The following GPR158 variants were observed in gnomAD, a reference collection of about 807,000 sequenced individuals.
GPR158 encodes metabotropic glycine receptor.
Under a neutral mutation model 78.2 loss-of-function variants are expected in GPR158, and 30 were observed. The observed-to-expected ratio is 0.38, with a 90% CI of 0.29 to 0.52. GPR158 has a LOEUF of 0.52. GPR158 is among the 20% of genes least tolerant of loss of function. The pLI, the probability that GPR158 is intolerant of heterozygous loss-of-function variation, is 0.83. For synonymous variants in GPR158, 581 were observed against 591.1 expected, an observed-to-expected ratio of 0.98 and a Z score of 0.25; for missense variants, 1,463 against 1,523.5, an observed-to-expected ratio of 0.96 and a Z score of 0.66.
In GPR158 at chr10:25,599,330, G is replaced by A; in HGVS notation, c.*56G>A. On this transcript the variant is annotated 3_prime_UTR_variant, in exon 11 of 11. Coordinates refer to ENST00000376351, the MANE Select transcript of GPR158 (RefSeq NM_020752.3). Reference sequence around the variant, plus strand: ...ACCCCGGATTGGATATGAGACAGAAGATATAAGAATCAAATATTCCCAAGG... The same window carrying A: ...ACCCCGGATTGGATATGAGACAGAAAATATAAGAATCAAATATTCCCAAGG... The A allele has an allele frequency of 8.0e-7, 1 of 1,256,640 alleles. No homozygotes were observed. The allele number at this position is 1,256,640 out of a possible 1,614,324, so 77.8% of individuals were successfully genotyped here. A position where few individuals can be genotyped will look rare whatever the true frequency, so the allele number is the denominator to read the frequency against.
intron 2 of GPR158, among the ~76,000 whole-genome samples, chr10:25,276,051 G>C (rs1285069274): frequency 6.6e-6 from 1 of 152,128 alleles, no homozygotes. Flanking sequence ...TAAGTTGTGG[G>C]AAAACAGCTG....
intron 5 of GPR158, among the ~76,000 whole-genome samples, chr10:25,517,685 C>T (rs1422520808): frequency 1.1e-4 from 17 of 151,304 alleles, no homozygotes; most frequent in African/African-American, 3.4e-4. Context: ...TATTGATTTG[C>T]GTATATTGAA....
intron 1 of GPR158, among the ~76,000 whole-genome samples, chr10:25,208,367 G>C (rs1003377808): frequency 3.3e-5 from 5 of 152,184 alleles, no homozygotes; most frequent in Non-Finnish European, 5.9e-5. Context: ...AATTGAAAGA[G>C]AAGGAGGAAA....
intron 5 of GPR158, among the ~76,000 whole-genome samples, chr10:25,540,272 T>C (rs1472779439): frequency 1.3e-5 from 2 of 152,076 alleles, no homozygotes; most frequent in Non-Finnish European, 2.9e-5. Flanking sequence ...AGAATGGTGA[T>C]CATTAAAAAG....
chr10:25,471,951 A>G (rs1359597684), intron 5 of GPR158, among the ~76,000 whole-genome samples: 2 of 152,226 alleles, frequency 1.3e-5, no homozygotes, highest in East Asian at 3.9e-4. Context: ...TGCTGTGCAG[A>G]AGCCCTTTAG....
At chr10:25,231,063 C>T (rs548754170) in intron 2 of GPR158, among the ~76,000 whole-genome samples, 1 of 152,196 alleles carries the variant, frequency 6.6e-6, no homozygotes, top group Non-Finnish European at 1.5e-5. Context: ...ACTGGTAATA[C>T]TTTAAATTCT....
chr10:25,382,401 T>C (rs569980705), intron 2 of GPR158, among the ~76,000 whole-genome samples: 70 of 140,474 alleles, frequency 5.0e-4, no homozygotes, highest in African/African-American at 1.7e-3. Context: ...CATAAGAACA[T>C]TTCAAAAATT....
At chr10:25,490,761 A>G (rs937827992) in intron 5 of GPR158, among the ~76,000 whole-genome samples, 17 of 149,972 alleles carry the variant, frequency 1.1e-4, no homozygotes, top group African/African-American at 3.9e-4. Flanking sequence ...ATATGTGTGC[A>G]TGTGTCTTTA....
intron 4 of GPR158, among the ~76,000 whole-genome samples, chr10:25,461,296 G>A (rs1032860170): frequency 6.6e-6 from 1 of 152,168 alleles, no homozygotes; most frequent in African/African-American, 2.4e-5. Context: ...AAATGCAAAG[G>A]AAAAATTGAT....
At chr10:25,499,374 G>A (rs1439815564) in intron 5 of GPR158, among the ~76,000 whole-genome samples, 1 of 152,194 alleles carries the variant, frequency 6.6e-6, no homozygotes, top group Non-Finnish European at 1.5e-5. Flanking sequence ...CCACCATTCA[G>A]AAGAGCGGGT....
chr10:25,539,391 G>A (rs1169100514), intron 5 of GPR158, among the ~76,000 whole-genome samples: 1 of 152,132 alleles, frequency 6.6e-6, no homozygotes, highest in Non-Finnish European at 1.5e-5. Flanking sequence ...AGAGAATGAG[G>A]CCTGTGGTGT....
At chr10:25,179,805 CA>C (rs542597414) in intron 1 of GPR158, among the ~76,000 whole-genome samples, 37 of 151,962 alleles carry the variant, frequency 2.4e-4, no homozygotes, top group African/African-American at 8.4e-4. Flanking sequence ...TTCATCCTAG[CA>C]AAAAAGAGAG....
chr10:25,302,132 T>C (rs58388360), intron 2 of GPR158, among the ~76,000 whole-genome samples: 32,039 of 147,920 alleles, frequency 0.22, 6,264 homozygotes, highest in African/African-American at 0.53. Flanking sequence ...AGTGCAGTGG[T>C]GCGATCTCGG....
intron 1 of GPR158, among the ~76,000 whole-genome samples, chr10:25,182,856 T>G (rs1299777039): frequency 6.6e-6 from 1 of 152,216 alleles, no homozygotes; most frequent in Non-Finnish European, 1.5e-5. Flanking sequence ...AGTGCTGATT[T>G]GGTGTTCAAA....
chr10:25,499,320 AG>A (rs1835923649), intron 5 of GPR158, among the ~76,000 whole-genome samples: 1 of 152,178 alleles, frequency 6.6e-6, no homozygotes, highest in Non-Finnish European at 1.5e-5. Flanking sequence ...CTCCATACCC[AG>A]GGCTCCAAAC....
At chr10:25,427,653 A>G (rs936473147) in intron 4 of GPR158, among the ~76,000 whole-genome samples, 1 of 152,084 alleles carries the variant, frequency 6.6e-6, no homozygotes, top group Non-Finnish European at 1.5e-5. Context: ...TCACATCACC[A>G]TACCACCTAG....
chr10:25,420,848 C>A (rs1283427034), intron 4 of GPR158, among the ~76,000 whole-genome samples: 1 of 152,110 alleles, frequency 6.6e-6, no homozygotes, highest in East Asian at 1.9e-4. Flanking sequence ...GCCAGTACTA[C>A]ATTGTTTTGA....
intron 1 of GPR158, among the ~76,000 whole-genome samples, chr10:25,207,864 G>A (rs1193422488): frequency 1.3e-5 from 2 of 152,132 alleles, no homozygotes; most frequent in African/African-American, 4.8e-5. Context: ...AGATCTTTAA[G>A]GACTCAGATA....
At chr10:25,332,722 T>C (rs1249427342) in intron 2 of GPR158, among the ~76,000 whole-genome samples, 1 of 152,198 alleles carries the variant, frequency 6.6e-6, no homozygotes, top group Non-Finnish European at 1.5e-5. Context: ...AATAAGCTGA[T>C]TTAACTTCAA....
Sources: allele counts gnomAD v4.1 joint callset (sites outside exome capture counted in the v4.1 genomes callset), GRCh38; gene constraint gnomAD v4.1.1; transcripts MANE v1.5; gene names NCBI Gene and HGNC (gene_info 2026-07-23, HGNC 2026-07-21).